The following IL33 variants were observed in gnomAD, a reference collection of about 807,000 sequenced individuals.
IL33 encodes the protein interleukin 33.
A neutral mutation model predicts 27.3 loss-of-function variants in IL33; 37 were observed. The ratio of observed to expected loss-of-function variants is 1.36; its 90% CI spans 1.04 to 1.78. IL33 has a LOEUF of 1.78. Among genes scored for constraint, IL33 ranks in the 40% most tolerant of loss-of-function variants. IL33 has a pLI of 0.00. For synonymous variants in IL33, 132 were observed against 102.9 expected (o/e 1.28, Z -1.71); for missense variants, 406 against 311.4 (o/e 1.30, Z -2.29).
chr9:6,223,944 A>C (rs1818519276), intron 1 of IL33, among the ~76,000 whole-genome samples: 1 of 152,194 alleles, frequency 6.6e-6, no homozygotes, highest in Admixed American at 6.5e-5. Flanking sequence ...TGGTTAACCC[A>C]GCTCTGAGCA....
chr9:6,233,703 T>C (rs1819040353), intron 1 of IL33, among the ~76,000 whole-genome samples: 1 of 152,212 alleles, frequency 6.6e-6, no homozygotes, highest in Admixed American at 6.5e-5. Flanking sequence ...ATAACAGTTA[T>C]TATGAAAATT....
intron 1 of IL33, among the ~76,000 whole-genome samples, chr9:6,232,191 C>T (rs996939107): frequency 2.0e-5 from 3 of 152,146 alleles, no homozygotes; most frequent in African/African-American, 7.2e-5. Context: ...TGAAAACATT[C>T]ATGCAGCACC....
chr9:6,252,039 A>AC lies in IL33; in HGVS notation c.343+774_343+775insC, dbSNP rs1564073000. ...GCAACAAGAGCGGCTGTCTCAGAAA[A>AC]AAAACAAACAAACAAACAAAAAAAA... On this transcript the variant is annotated intron_variant, in intron 4 of 7. Coordinates refer to ENST00000682010, the MANE Select transcript of IL33 (RefSeq NM_033439.4). Among the ~76,000 whole-genome samples the AC allele has an allele frequency of 8.2e-4, 21 of 25,696 alleles. 1 individual carries two copies. The highest frequency in any genetic ancestry group is 2.6e-3 in the African/African-American group (21 of 8,176). 16.9% of individuals were successfully genotyped at this position (25,696 alleles called of 152,430 possible).
At chr9:6,234,872 T>C (rs1280944082) in intron 1 of IL33, among the ~76,000 whole-genome samples, 1 of 152,204 alleles carries the variant, frequency 6.6e-6, no homozygotes, top group Non-Finnish European at 1.5e-5. Flanking sequence ...AAGATTCGTG[T>C]TGTCCACAGG....
intron 4 of IL33, among the ~76,000 whole-genome samples, chr9:6,252,056 C>CAA (rs138991546): frequency 0.025 from 2,849 of 114,280 alleles, 207 homozygotes; most frequent in African/African-American, 0.087. Context: ...AACAAACAAA[C>CAA]AAAAAAAAAC....
At chr9:6,247,645 G>C (rs1272156911) in intron 2 of IL33, among the ~76,000 whole-genome samples, 1 of 152,018 alleles carries the variant, frequency 6.6e-6, no homozygotes, top group Non-Finnish European at 1.5e-5. Context: ...CATGGAAAGT[G>C]GTAACAGCCC....
intron 1 of IL33, among the ~76,000 whole-genome samples, chr9:6,217,269 A>C (rs1444086353): frequency 1.3e-5 from 2 of 150,814 alleles, no homozygotes. Flanking sequence ...AAATCTTGTG[A>C]CCTCCAGAAT....
intron 1 of IL33, among the ~76,000 whole-genome samples, chr9:6,219,270 G>C (rs1181107734): frequency 6.6e-6 from 1 of 151,868 alleles, no homozygotes; most frequent in African/African-American, 2.4e-5. Context: ...GTTTCCTGTA[G>C]ATTCTCTGGT....
chr9:6,233,493 G>T (rs1291099378), intron 1 of IL33, among the ~76,000 whole-genome samples: 1 of 151,964 alleles, frequency 6.6e-6, no homozygotes, highest in South Asian at 2.1e-4. Flanking sequence ...CTTTTCATTG[G>T]CTACTTTCTT....
At chr9:6,241,532 A>G in intron 1 of IL33, 152 bp from the exon 2 acceptor site, 1 of 524,796 alleles carries the variant, frequency 1.9e-6, no homozygotes. Context: ...CCTAGCATGA[A>G]TGCATAGTTA....
intron 1 of IL33, among the ~76,000 whole-genome samples, chr9:6,216,637 A>T (rs1818157738): frequency 6.6e-6 from 1 of 152,088 alleles, no homozygotes; most frequent in Non-Finnish European, 1.5e-5. Flanking sequence ...AATCCCAGCT[A>T]CTCGGGAGGC....
At chr9:6,255,080 T>C (rs1259971164) in intron 7 of IL33, among the ~76,000 whole-genome samples, 1 of 152,170 alleles carries the variant, frequency 6.6e-6, no homozygotes, top group Non-Finnish European at 1.5e-5. Context: ...GATTTATAAA[T>C]AACCTAACAT....
chr9:6,236,246 T>C (rs779723512), intron 1 of IL33, among the ~76,000 whole-genome samples: 9 of 151,986 alleles, frequency 5.9e-5, no homozygotes, highest in Admixed American at 4.6e-4. Context: ...AATTGGAAAA[T>C]GCAAAAAAAA....
Position 6,218,673 on chromosome 9 carries a change from C to CCCATATATATATGTTCT in IL33, c.-12+2834_-12+2850dup, listed in dbSNP as rs1447836947. ...ATACATATGTCCCCATATATATATCCCCATATATATATGTTCTCCATATAT... is the reference window on the plus strand; with the variant it reads ...ATACATATGTCCCCATATATATATCCCCATATATATATGTTCTCCATATATATATGTTCTCCATATAT... On this transcript the variant is annotated intron_variant, in intron 1 of 7. Coordinates refer to ENST00000682010, the MANE Select transcript of IL33 (RefSeq NM_033439.4). Among the ~76,000 whole-genome samples, 36 of 130,244 alleles carry CCCATATATATATGTTCT rather than the reference C, an allele frequency of 2.8e-4. 1 individual carries two copies. The East Asian group carries it at 4.0e-3, about 15-fold the overall frequency. The allele number at this position is 130,244 out of a possible 152,430, so 85.4% of individuals were successfully genotyped here. A position where few individuals can be genotyped will look rare whatever the true frequency, so the allele number is the denominator to read the frequency against.
At chr9:6,231,406 C>G (rs1818922114) in intron 1 of IL33, among the ~76,000 whole-genome samples, 1 of 152,164 alleles carries the variant, frequency 6.6e-6, no homozygotes, top group Non-Finnish European at 1.5e-5. Flanking sequence ...CGGCTTCTGT[C>G]CATCTCAGGG....
chr9:6,251,387 C>A, intron 4 of IL33, 122 bp downstream of exon 4: 1 of 1,438,822 alleles, frequency 7.0e-7, no homozygotes, highest in Non-Finnish European at 9.4e-7. Context: ...GAAACTTCTG[C>A]CCATTTGCAG....
At chr9:6,232,297 A>G (rs955236784) in intron 1 of IL33, among the ~76,000 whole-genome samples, 5 of 152,364 alleles carry the variant, frequency 3.3e-5, no homozygotes, top group Non-Finnish European at 7.3e-5. Flanking sequence ...CTTCAGCCAA[A>G]GAGAAAACTA....
chr9:6,252,088 C>A (rs60601220), intron 4 of IL33, among the ~76,000 whole-genome samples: 3,066 of 71,556 alleles, frequency 0.043, 366 homozygotes, highest in East Asian at 0.1. Flanking sequence ...CAAAACAAAA[C>A]AAAAAAACCA....
At chr9:6,244,983 G>A (rs1359775301) in intron 2 of IL33, among the ~76,000 whole-genome samples, 2 of 152,106 alleles carry the variant, frequency 1.3e-5, no homozygotes, top group African/African-American at 4.8e-5. Context: ...CAGGGTACAG[G>A]ACTTCATGAC....
Sources: gnomAD v4.1 joint callset for allele counts (sites outside exome capture counted in the v4.1 genomes callset) on GRCh38, gnomAD v4.1.1 for gene constraint, MANE v1.5 for transcripts, NCBI Gene and HGNC (gene_info 2026-07-23, HGNC 2026-07-21) for gene names.